GPM6A: variants seen among roughly 807,000 people sequenced by gnomAD.
The protein encoded by GPM6A is glycoprotein M6A.
A neutral mutation model predicts 32.1 loss-of-function variants in GPM6A; 7 were observed. That is an observed-to-expected ratio of 0.22 (90% confidence interval 0.12 to 0.41). The LOEUF (loss-of-function observed/expected upper bound fraction) is 0.41, where lower values mean the gene tolerates loss of function less well. Among genes scored for constraint, GPM6A ranks in the 10% least tolerant of loss-of-function variants. GPM6A has a pLI of 1.00. For missense variants in GPM6A, 235 were observed against 347.2 expected, an observed-to-expected ratio of 0.68 and a Z score of 2.57; for synonymous variants, 130 against 123.4, an observed-to-expected ratio of 1.05 and a Z score of -0.35.
intron 2 of GPM6A, among the ~76,000 whole-genome samples, chr4:175,679,597 A>G (rs1399905190): frequency 1.3e-5 from 2 of 152,106 alleles, no homozygotes; most frequent in Non-Finnish European, 2.9e-5. Context: ...CATGTTTGCA[A>G]AATGATGATT....
chr4:175,754,570 T>C (rs1732458189), intron 1 of GPM6A, among the ~76,000 whole-genome samples: 1 of 152,182 alleles, frequency 6.6e-6, no homozygotes, highest in Non-Finnish European at 1.5e-5. Flanking sequence ...AAATGCTCAA[T>C]GTTAAACTTT....
intron 1 of GPM6A, among the ~76,000 whole-genome samples, chr4:175,953,292 C>T (rs1287098274): frequency 6.6e-6 from 1 of 152,076 alleles, no homozygotes; most frequent in Non-Finnish European, 1.5e-5. Flanking sequence ...TCGGCTGTAT[C>T]ATGACAATTT....
intron 2 of GPM6A, among the ~76,000 whole-genome samples, chr4:175,691,191 CATAA>C (rs1744278254): frequency 6.6e-6 from 1 of 152,180 alleles, no homozygotes; most frequent in Non-Finnish European, 1.5e-5. Context: ...TCACAAGATG[CATAA>C]ATAATCCTCT....
intron 1 of GPM6A, among the ~76,000 whole-genome samples, chr4:175,717,916 C>T (rs1332662269): frequency 2.0e-5 from 3 of 152,108 alleles, no homozygotes; most frequent in African/African-American, 7.2e-5. Context: ...TTTAGTGAAG[C>T]AACATGGCAT....
intron 1 of GPM6A, among the ~76,000 whole-genome samples, chr4:175,833,217 G>A (rs1735668438): frequency 6.6e-6 from 1 of 152,098 alleles, no homozygotes; most frequent in South Asian, 2.1e-4. Flanking sequence ...TATTAGTATG[G>A]ATAAAGACTC....
At chr4:175,724,100 T>C (rs1340641370) in intron 1 of GPM6A, among the ~76,000 whole-genome samples, 1 of 152,122 alleles carries the variant, frequency 6.6e-6, no homozygotes, top group Admixed American at 6.5e-5. Flanking sequence ...ATGGTGTACA[T>C]ACACAATGGA....
chr4:175,809,601 C>T (rs1734835790), intron 1 of GPM6A, among the ~76,000 whole-genome samples: 1 of 152,062 alleles, frequency 6.6e-6, no homozygotes. Flanking sequence ...GGCATGGGCT[C>T]ATTGAACACA....
At chr4:175,742,876 G>T (rs892552758) in intron 1 of GPM6A, among the ~76,000 whole-genome samples, 36 of 152,142 alleles carry the variant, frequency 2.4e-4, no homozygotes, top group Admixed American at 5.2e-4. Flanking sequence ...GCCAGGCATG[G>T]TGGCTCATGC....
At chr4:175,823,427 GAC>G (rs1735339117) in intron 1 of GPM6A, among the ~76,000 whole-genome samples, 1 of 152,106 alleles carries the variant, frequency 6.6e-6, no homozygotes, top group South Asian at 2.1e-4. Flanking sequence ...TATTGCAAAT[GAC>G]AGTCTTGCAA....
chr4:175,843,148 C>A (rs915155036), intron 1 of GPM6A, among the ~76,000 whole-genome samples: 1 of 151,986 alleles, frequency 6.6e-6, no homozygotes, highest in Admixed American at 6.6e-5. Context: ...TTGATCTATA[C>A]CCATGAGCAC....
chr4:175,899,960 A>C (rs1330725057), intron 1 of GPM6A, among the ~76,000 whole-genome samples: 2 of 152,144 alleles, frequency 1.3e-5, no homozygotes, highest in African/African-American at 4.8e-5. Flanking sequence ...AGATATTTGC[A>C]AACTACCCAT....
intron 1 of GPM6A, among the ~76,000 whole-genome samples, chr4:175,921,513 C>T (rs980298925): frequency 5.6e-5 from 5 of 90,086 alleles, no homozygotes; most frequent in African/African-American, 1.1e-4. Flanking sequence ...GACCATCATT[C>T]CCAAAGAAAA....
chr4:175,745,195 T>A (rs952845749), intron 1 of GPM6A, among the ~76,000 whole-genome samples: 1 of 152,150 alleles, frequency 6.6e-6, no homozygotes, highest in Non-Finnish European at 1.5e-5. Context: ...TAAATGTAAA[T>A]CTGTTATCCT....
rs535156425 is a variant in GPM6A at position 175,903,111 on chromosome 4, C to T, written c.-22-90862G>A. 5.3e-5 allele frequency among the ~76,000 whole-genome samples: 8 copies of T among 151,998 alleles called. No individual in the cohort carries two copies. In the South Asian group the frequency reaches 1.7e-3, roughly 32 times the overall value. On this transcript the variant is annotated intron_variant, in intron 1 of 7. Transcript: ENST00000280187. ...CGGCTCCTTAGAGAAATGACTGATT[C>T]TGGGGTTGATGAAGGGAAATAATGA...
At chr4:175,821,260 C>A (rs1249051479) in intron 1 of GPM6A, among the ~76,000 whole-genome samples, 1 of 152,096 alleles carries the variant, frequency 6.6e-6, no homozygotes, top group Non-Finnish European at 1.5e-5. Flanking sequence ...CATTTTCTTG[C>A]AATTAGCCAA....
At chr4:175,718,711 A>G (rs1745968455) in intron 1 of GPM6A, among the ~76,000 whole-genome samples, 1 of 152,188 alleles carries the variant, frequency 6.6e-6, no homozygotes, top group Non-Finnish European at 1.5e-5. Flanking sequence ...TGTATGAAAC[A>G]GGTTTGTTCA....
At chr4:175,998,665 A>G (rs150285959) in intron 1 of GPM6A, among the ~76,000 whole-genome samples, 3 of 152,136 alleles carry the variant, frequency 2.0e-5, no homozygotes, top group Admixed American at 1.3e-4. Context: ...CACTTGACCT[A>G]TCTCTCATCA....
intron 1 of GPM6A, among the ~76,000 whole-genome samples, chr4:175,923,693 A>T (rs1738743635): frequency 6.6e-6 from 1 of 151,974 alleles, no homozygotes; most frequent in South Asian, 2.1e-4. Flanking sequence ...AGCTGAGACC[A>T]CAGGCATGCA....
intron 1 of GPM6A, among the ~76,000 whole-genome samples, chr4:175,750,349 C>T (rs1450399331): frequency 3.3e-5 from 5 of 152,204 alleles, no homozygotes; most frequent in African/African-American, 1.2e-4. Flanking sequence ...TGAGCCACCA[C>T]ACCTGGCCCT....
Sources: allele counts gnomAD v4.1 joint callset (sites outside exome capture counted in the v4.1 genomes callset), GRCh38; gene constraint gnomAD v4.1.1; transcripts MANE v1.5; gene names NCBI Gene and HGNC (gene_info 2026-07-23, HGNC 2026-07-21).